The following HEXA variants were observed in gnomAD, a reference collection of about 807,000 sequenced individuals.
HEXA encodes hexosaminidase subunit alpha, also known as beta-hexosaminidase subunit alpha.
HEXA carries 54 observed loss-of-function variants against 73.3 expected under a neutral mutation model. The ratio of observed to expected loss-of-function variants is 0.74; its 90% CI spans 0.59 to 0.92. The LOEUF is 0.92. HEXA is among the 40% of genes least tolerant of loss of function. HEXA has a pLI of 0.00. For missense variants in HEXA, 649 were observed against 653.0 expected (o/e 0.99, Z 0.07); for synonymous variants, 230 against 246.9 (o/e 0.93, Z 0.64).
intron 1 of HEXA, among the ~76,000 whole-genome samples, chr15:72,372,010 G>T (rs2089000629): frequency 1.3e-5 from 2 of 152,100 alleles, no homozygotes; most frequent in Admixed American, 1.3e-4. Context: ...TAATATCTAT[G>T]ATATACTATG....
At chr15:72,363,840 ATCCCCACTGGAAAGAGAACATC>A (rs796928379) in intron 1 of HEXA, among the ~76,000 whole-genome samples, 114 of 152,214 alleles carry the variant, frequency 7.5e-4, no homozygotes, top group African/African-American at 2.7e-3. Context: ...TCCCAACCCT[ATCCCCACTGGAAAGAGAACATC>A]TCCCTAAAAT....
At chr15:72,360,720 A>G (rs1329514794) in intron 1 of HEXA, among the ~76,000 whole-genome samples, 1 of 152,208 alleles carries the variant, frequency 6.6e-6, no homozygotes, top group African/African-American at 2.4e-5. Flanking sequence ...TGAACTCCAA[A>G]GGAAGACAGA....
rs999012777 is a variant in HEXA, at chr15:72,344,056, AC to A, written c.*20del. The A allele has an allele frequency of 6.2e-7, 1 of 1,607,390 alleles. No individual in the cohort carries two copies. Among genetic ancestry groups the A allele is most frequent in the Non-Finnish European group, 8.5e-7 (1 of 1,174,246 alleles). On this transcript the variant is annotated 3_prime_UTR_variant, in exon 14 of 14. Coordinates refer to ENST00000268097, the MANE Select transcript of HEXA (RefSeq NM_000520.6). ...CCACTACCATTCACCTACAGCCAGC[AC>A]CCTCCTCGGTGCCTGGGGCTCAGGT... is the stretch of plus-strand genomic sequence containing the variant.
At position 72,353,140 on chromosome 15, in the gene HEXA, G is replaced by C; in HGVS notation, c.498C>G (p.Arg166=). 6.2e-7 allele frequency: 1 copy of C among 1,613,134 alleles called. No homozygotes were observed. Among genetic ancestry groups the C allele is most frequent in the South Asian group, 1.1e-5 (1 of 91,060 alleles). The change falls in exon 5 of 14, where the codon CGC becomes CGG. Residue 166 remains arginine, a synonymous_variant. Coordinates refer to ENST00000268097, the MANE Select transcript of HEXA (RefSeq NM_000520.6). Reference sequence around the variant, plus strand: ...CCAACAGCAAGCCCCGGTGAGGAAAGCGGGGAAAGTCCTCAATCTCAGTCT... The same window carrying C: ...CCAACAGCAAGCCCCGGTGAGGAAACCGGGGAAAGTCCTCAATCTCAGTCT... ...INKTEIEDFP[R]FPHRGLLLDT...
intron 1 of HEXA, chr15:72,370,457 G>A (rs981906779): frequency 1.0e-5 from 4 of 393,522 alleles, no homozygotes; most frequent in Admixed American, 4.4e-5. Context: ...CGGGGAGGCC[G>A]AGACAAGAGG....
chr15:72,375,732 G>T lies in HEXA; in HGVS notation c.241C>A (p.Pro81Thr), dbSNP rs144231599. The T allele has an allele frequency of 2.5e-6, 4 of 1,614,050 alleles. No individual in the cohort carries two copies. The African/African-American group carries it at 4.0e-5, about 16-fold the overall frequency. ...AAGTCCGACTCACCTGTGAGGTAAG[G>T]ACGGGGCCAAGACCCGGAACCGAAA... is the stretch of plus-strand genomic sequence containing the variant. The part of the protein sequence containing the change: ...LLFGSGSWPR[P>T]YLTGKRHTLE... The change falls in exon 1 of 14, where the codon CCT becomes ACT. Residue 81 changes from proline (P) to threonine (T), a missense_variant. Pro to Thr is a conservative substitution (Grantham distance 38, BLOSUM62 -1). Coordinates refer to ENST00000268097, the MANE Select transcript of HEXA (RefSeq NM_000520.6).
chr15:72,350,719 T>C, intron 6 of HEXA, 69 bp from the exon 7 acceptor site: 1 of 1,583,784 alleles, frequency 6.3e-7, no homozygotes, highest in Non-Finnish European at 8.7e-7. Context: ...ATACTCAAAA[T>C]GCCCACAAGA....
chr15:72,347,006 C>T (rs530673237), intron 10 of HEXA, among the ~76,000 whole-genome samples: 3 of 151,778 alleles, frequency 2.0e-5, no homozygotes, highest in South Asian at 4.2e-4. Flanking sequence ...GACCCAGGAG[C>T]TGCCATGTCC....
chr15:72,365,865 C>T (rs2088909480), intron 1 of HEXA, among the ~76,000 whole-genome samples: 1 of 152,220 alleles, frequency 6.6e-6, no homozygotes, highest in East Asian at 1.9e-4. Flanking sequence ...CAGGGAAATC[C>T]GCCATGTCAT....
intron 1 of HEXA, chr15:72,370,347 G>C (rs2088972950): frequency 3.0e-6 from 1 of 330,618 alleles, no homozygotes; most frequent in South Asian, 1.5e-4. Context: ...CATACACCTT[G>C]ATCAAGTTTA....
At chr15:72,367,595 C>T (rs1218294642) in intron 1 of HEXA, among the ~76,000 whole-genome samples, 3 of 152,204 alleles carry the variant, frequency 2.0e-5, no homozygotes, top group Admixed American at 1.3e-4. Flanking sequence ...ATCCTGTTGA[C>T]TGGACTTTAC....
In HEXA at chr15:72,346,295, C is replaced by G. The variant is rs1229811721; in HGVS notation, c.1361G>C (p.Gly454Ala). The G allele has an allele frequency of 6.2e-7, 1 of 1,613,970 alleles. No individual in the cohort carries two copies. Among genetic ancestry groups the G allele is most frequent in the Non-Finnish European group, 8.5e-7 (1 of 1,179,970 alleles). The change falls in exon 12 of 14, where the codon GGT (glycine) becomes GCT (alanine). Residue 454 changes from glycine (G) to alanine (A), a missense_variant. Transcript: ENST00000268097. The stretch of plus-strand genomic sequence containing the variant: ...TTCTCCCCACATACAAGCCTCTCCA[C>G]CAATCACCAGAGCCTTCTGCTCAGG... ...GTPEQKALVI[G>A]GEACMWGEYV...
rs574381262 is a variant in HEXA at position 72,347,546 on chromosome 15, C to T, written c.1146+140G>A. ...CTGCACCCAGCACTCTGTGGCCTTT[C>T]TAGAGAGAAAAGGAGAGTGCTCCGA... On this transcript the variant is annotated intron_variant, in intron 10 of 13. Transcript: ENST00000268097. 5.9e-4 allele frequency: 444 copies of T among 754,982 alleles called. 1 individual carries two copies. Among genetic ancestry groups the T allele is most frequent in the Middle Eastern group, 2.8e-3 (8 of 2,860 alleles). 46.8% of individuals were successfully genotyped at this position (754,982 alleles called of 1,614,324 possible). A position where few individuals can be genotyped will look rare whatever the true frequency, so the allele number is the denominator to read the frequency against.
intron 1 of HEXA, chr15:72,357,445 C>T (rs2140329666): frequency 6.6e-6 from 1 of 152,456 alleles, no homozygotes; most frequent in South Asian, 2.1e-4. Context: ...AGACCCTTGT[C>T]TATGCAGAAA....
At chr15:72,358,631 C>T (rs554284812) in intron 1 of HEXA, 1 of 152,266 alleles carries the variant, frequency 6.6e-6, no homozygotes, top group Non-Finnish European at 1.5e-5. Flanking sequence ...AATTACAATT[C>T]TTCCACTCCC....
chr15:72,351,240 G>A lies in HEXA; in HGVS notation c.571-6C>T. The stretch of plus-strand genomic sequence containing the variant: ...TTATTGTACGCCATGACATCCTGTA[G>A]GTTAAAGTGCACACTGTGAACCCAT... On this transcript the variant is annotated splice_polypyrimidine_tract_variant and splice_region_variant and intron_variant, in intron 5 of 13. Transcript: ENST00000268097. The A allele has an allele frequency of 6.4e-7, 1 of 1,572,738 alleles. No homozygotes were observed. The highest frequency in any genetic ancestry group is 8.8e-7 in the Non-Finnish European group (1 of 1,142,252).
intron 13 of HEXA, 127 bp from the exon 14 acceptor site, chr15:72,344,267 A>C: frequency 1.7e-5 from 12 of 698,800 alleles, no homozygotes; most frequent in East Asian, 2.9e-5. Flanking sequence ...TGTACACCAA[A>C]TGCACCTGGG....
chr15:72,364,131 G>C (rs756153913), intron 1 of HEXA, among the ~76,000 whole-genome samples: 1 of 151,896 alleles, frequency 6.6e-6, no homozygotes, highest in African/African-American at 2.4e-5. Flanking sequence ...TTAGCTGGGC[G>C]TGGTAGCAGG....
chr15:72,364,027 G>A (rs755134014), intron 1 of HEXA, among the ~76,000 whole-genome samples: 7 of 152,146 alleles, frequency 4.6e-5, no homozygotes, highest in Non-Finnish European at 1.0e-4. Flanking sequence ...TGAGGCAGGT[G>A]GATCACTTGA....
Sources: allele counts gnomAD v4.1 joint callset (sites outside exome capture counted in the v4.1 genomes callset), GRCh38; gene constraint gnomAD v4.1.1; transcripts MANE v1.5; gene names NCBI Gene and HGNC (gene_info 2026-07-23, HGNC 2026-07-21).